KDM4B: variants seen among roughly 807,000 people sequenced by gnomAD.
The protein encoded by KDM4B is lysine demethylase 4B.
In KDM4B, 32 loss-of-function variants were observed where a neutral mutation model predicts 125.2. The ratio of observed to expected loss-of-function variants is 0.26; its 90% CI spans 0.19 to 0.34. The LOEUF (loss-of-function observed/expected upper bound fraction) is 0.34. Among genes scored for constraint, KDM4B ranks in the 10% least tolerant of loss-of-function variants. The pLI is 1.00. For synonymous variants in KDM4B, 721 were observed against 677.9 expected (o/e 1.06, Z -0.99); for missense variants, 1,190 against 1,577.7 (o/e 0.75, Z 4.16).
chr19:5,107,767 C>A (rs2039063237), intron 9 of KDM4B, among the ~76,000 whole-genome samples: 1 of 152,338 alleles, frequency 6.6e-6, no homozygotes, highest in East Asian at 1.9e-4. Flanking sequence ...CCTCACCAGC[C>A]CTAGCGGGTT....
chr19:4,992,007 G>T (rs1394126166), intron 1 of KDM4B, among the ~76,000 whole-genome samples: 1 of 152,086 alleles, frequency 6.6e-6, no homozygotes, highest in Non-Finnish European at 1.5e-5. Flanking sequence ...CAGTGGTAAG[G>T]TCCCATCTTT....
intron 1 of KDM4B, among the ~76,000 whole-genome samples, chr19:5,008,245 C>G (rs969423390): frequency 3.9e-5 from 6 of 152,064 alleles, no homozygotes; most frequent in Non-Finnish European, 8.8e-5. Context: ...TCCAGCTGTC[C>G]CAGCACTATT....
chr19:5,120,770 C>T (rs935096943), intron 11 of KDM4B, among the ~76,000 whole-genome samples: 5 of 152,142 alleles, frequency 3.3e-5, no homozygotes, highest in African/African-American at 1.2e-4. Flanking sequence ...GGGAGCCCTT[C>T]CCTCTCCCAC....
chr19:5,025,015 G>C (rs951030326), intron 2 of KDM4B, among the ~76,000 whole-genome samples: 1 of 152,252 alleles, frequency 6.6e-6, no homozygotes, highest in Non-Finnish European at 1.5e-5. Context: ...CCCATTTGAA[G>C]CATGTCATTC....
rs914273729 is a variant in KDM4B at position 5,142,505 on chromosome 19, C to T, written c.2551-1462C>T. On this transcript the variant is annotated intron_variant, in intron 18 of 22. Coordinates refer to ENST00000159111, the MANE Select transcript of KDM4B (RefSeq NM_015015.3). The surrounding 1 kb of genome is among the most constrained non-coding windows in gnomAD (Gnocchi z 5.4). Reference sequence around the variant, plus strand: ...CAGGGTCATGGGCTGCCTGCTACCACGAGGCGGAAGGGGATGGTGCTGGGC... The same window carrying T: ...CAGGGTCATGGGCTGCCTGCTACCATGAGGCGGAAGGGGATGGTGCTGGGC... 2.0e-5 allele frequency among the ~76,000 whole-genome samples: 3 copies of T among 152,182 alleles called. No homozygotes were observed. Among genetic ancestry groups the T allele is most frequent in the East Asian group, 1.9e-4 (1 of 5,178 alleles).
chr19:5,145,318 C>T (rs1435463654), intron 21 of KDM4B, among the ~76,000 whole-genome samples: 2 of 151,960 alleles, frequency 1.3e-5, no homozygotes, highest in East Asian at 3.9e-4. Flanking sequence ...CGGTGGCTCA[C>T]CCCTGTAATC....
At chr19:5,050,475 G>T (rs1233439311) in intron 6 of KDM4B, among the ~76,000 whole-genome samples, 2 of 152,240 alleles carry the variant, frequency 1.3e-5, no homozygotes, top group Non-Finnish European at 2.9e-5. Flanking sequence ...TGGGTGTGGG[G>T]AGGGTCCGAG....
chr19:5,067,494 C>T (rs149954021), intron 6 of KDM4B, among the ~76,000 whole-genome samples: 1 of 152,180 alleles, frequency 6.6e-6, no homozygotes, highest in Non-Finnish European at 1.5e-5. Context: ...GGGAGGGACA[C>T]GTACAATGAC....
chr19:4,980,707 C>T (rs982605925), intron 1 of KDM4B, among the ~76,000 whole-genome samples: 2 of 152,160 alleles, frequency 1.3e-5, no homozygotes, highest in South Asian at 4.1e-4. Context: ...GGATGACAGG[C>T]GTGAGCCACC....
At chr19:5,006,858 C>T (rs1029476925) in intron 1 of KDM4B, among the ~76,000 whole-genome samples, 13 of 151,890 alleles carry the variant, frequency 8.6e-5, no homozygotes. Context: ...GGACTTGGGA[C>T]GGCCTCCATG....
At chr19:5,150,504 G>A in intron 22 of KDM4B, 54 bp downstream of exon 22, 1 of 1,298,184 alleles carries the variant, frequency 7.7e-7, no homozygotes, top group Non-Finnish European at 1.1e-6. Flanking sequence ...AGCCCGTCTG[G>A]GACGAGGCAG....
chr19:5,134,880 C>G (rs1425713533), intron 14 of KDM4B, among the ~76,000 whole-genome samples: 1 of 152,212 alleles, frequency 6.6e-6, no homozygotes, highest in Admixed American at 6.5e-5. Context: ...GACCTGACAG[C>G]CGACACCGTC....
At chr19:5,093,897 C>T (rs931074688) in intron 9 of KDM4B, among the ~76,000 whole-genome samples, 1 of 152,222 alleles carries the variant, frequency 6.6e-6, no homozygotes. Flanking sequence ...GCTGCAGCTG[C>T]GGCCTGGTGT....
intron 5 of KDM4B, among the ~76,000 whole-genome samples, chr19:5,045,153 G>A (rs2036984875): frequency 6.6e-6 from 1 of 152,156 alleles, no homozygotes; most frequent in African/African-American, 2.4e-5. Flanking sequence ...GTCCCACTGT[G>A]TGCTCCTAGC....
At chr19:5,132,511 G>C (rs2039576461) in intron 13 of KDM4B, among the ~76,000 whole-genome samples, 2 of 152,154 alleles carry the variant, frequency 1.3e-5, no homozygotes, top group Admixed American at 1.3e-4. Flanking sequence ...GGTCTGGATG[G>C]CGTCTTTCAT....
chr19:4,993,414 A>G (rs938883406), intron 1 of KDM4B, among the ~76,000 whole-genome samples: 5 of 51,390 alleles, frequency 9.7e-5, no homozygotes, highest in South Asian at 7.7e-4. Flanking sequence ...ATCTCAAGGG[A>G]AAAAAAAAAA....
intron 8 of KDM4B, among the ~76,000 whole-genome samples, chr19:5,079,998 G>A (rs1192983110): frequency 6.6e-6 from 1 of 152,188 alleles, no homozygotes; most frequent in African/African-American, 2.4e-5. Context: ...GCCAGCCCTT[G>A]GGGACCCCAT....
chr19:5,133,738 G>A (rs2039598749), intron 13 of KDM4B, 145 bp from the exon 14 acceptor site: 1 of 715,356 alleles, frequency 1.4e-6, no homozygotes, highest in Non-Finnish European at 2.3e-6. Context: ...CCAGGAGGCA[G>A]GTGGAGGGGG....
At chr19:4,996,312 G>C (rs995163322) in intron 1 of KDM4B, among the ~76,000 whole-genome samples, 2 of 152,080 alleles carry the variant, frequency 1.3e-5, no homozygotes, top group Non-Finnish European at 2.9e-5. Flanking sequence ...TTTAAACAAT[G>C]CTGCTGGCCA....
Sources: gnomAD v4.1 joint callset for allele counts (sites outside exome capture counted in the v4.1 genomes callset) on GRCh38, gnomAD v4.1.1 for gene constraint, Gnocchi (gnomAD v3.1) non-coding constraint, MANE v1.5 for transcripts, NCBI Gene and HGNC (gene_info 2026-07-23, HGNC 2026-07-21) for gene names.